The following CYP2A6 variants were observed in gnomAD, a reference collection of about 807,000 sequenced individuals.
The protein encoded by CYP2A6 is cytochrome P450 family 2 subfamily A member 6.
Under a neutral mutation model 42.3 loss-of-function variants are expected in CYP2A6, and 27 were observed. That is an observed-to-expected ratio of 0.64 (90% CI 0.47 to 0.88). The LOEUF is 0.88. CYP2A6 is among the 40% of genes least tolerant of loss of function. The probability of loss-of-function intolerance (pLI) is 0.00; values close to 1 mark genes in which losing one functional copy is unlikely to be tolerated. For synonymous variants in CYP2A6, 238 were observed against 246.3 expected (o/e 0.97, Z 0.31); for missense variants, 628 against 646.0 (o/e 0.97, Z 0.30).
chr19:40,849,937 G>A lies in CYP2A6; in HGVS notation c.224C>T (p.Pro75Leu), dbSNP rs1326698183. The A allele has an allele frequency of 5.0e-6, 8 of 1,611,350 alleles. No individual in the cohort carries two copies. In the South Asian group the frequency reaches 8.8e-5, roughly 18 times the overall value. Residue 75 changes from proline (P) to leucine (L), a missense_variant, in exon 2 of 9, where the codon CCC (proline) becomes CTC (leucine). This residue lies in a region of CYP2A6 where 606 missense variants were observed against 568.1 expected (regional missense o/e 1.07). Transcript: ENST00000301141. ...YGPVFTIHLG[P>L]RRVVVLCGHD... Reference sequence around the variant, plus strand: ...TCCACACAGCACCACGACCCGCCGGGGCCCCAAGTGAATGGTGAACACGGG... The same window carrying A: ...TCCACACAGCACCACGACCCGCCGGAGCCCCAAGTGAATGGTGAACACGGG...
rs1337549572 is a variant in CYP2A6 at position 40,848,964 on chromosome 19, G to GAGA, written c.344-204_344-202dup. Among the ~76,000 whole-genome samples the GAGA allele has an allele frequency of 1.5e-4, 20 of 133,960 alleles. No individual in the cohort carries two copies. The East Asian group carries it at 4.3e-3, about 29-fold the overall frequency. 87.9% of individuals were successfully genotyped at this position (133,960 alleles called of 152,430 possible). A position where few individuals can be genotyped will look rare whatever the true frequency, so the allele number is the denominator to read the frequency against. On this transcript the variant is annotated intron_variant, in intron 2 of 8. Transcript: ENST00000301141. ...GTAGAGAGAGAGAGAGAGAGAGAGAGAGAGAGAGAGAGAAGAGAGAGAGGA... is the reference window on the plus strand; with the variant it reads ...GTAGAGAGAGAGAGAGAGAGAGAGAGAGAAGAGAGAGAGAGAAGAGAGAGAGGA...
chr19:40,847,656 C>A (rs1032844914), intron 4 of CYP2A6, among the ~76,000 whole-genome samples: 1 of 151,606 alleles, frequency 6.6e-6, no homozygotes, highest in African/African-American at 2.4e-5. Flanking sequence ...TGTCAGGGAA[C>A]AATCTGTCTA....
chr19:40,848,199 GC>G lies in CYP2A6; in HGVS notation c.654+19del. The G allele has an allele frequency of 6.2e-7, 1 of 1,610,470 alleles. No homozygotes were observed. The highest frequency in any genetic ancestry group is 8.5e-7 in the Non-Finnish European group (1 of 1,179,072). ...GCAGGTTGTGGTAGGGGCGTCACGG[GC>G]CGGGCTGCAGCCAGTTACCTGCCCC... is the stretch of plus-strand genomic sequence containing the variant. On this transcript the variant is annotated intron_variant, in intron 4 of 8. Coordinates refer to ENST00000301141, the MANE Select transcript of CYP2A6 (RefSeq NM_000762.6).
chr19:40,849,028 GAGAGAGA>G lies in CYP2A6; in HGVS notation c.344-272_344-266del, dbSNP rs1383962840. ...AGAGAGAGAAGAGAGAGAGGAGAGA[GAGAGAGA>G]AGAGAGAGAGGAGAGAGAGAGAGAG... On this transcript the variant is annotated intron_variant, in intron 2 of 8. Coordinates refer to ENST00000301141, the MANE Select transcript of CYP2A6 (RefSeq NM_000762.6). Among the ~76,000 whole-genome samples, 139 of 41,408 alleles carry G rather than the reference GAGAGAGA, an allele frequency of 3.4e-3. 30 individuals carry two copies. Among genetic ancestry groups the G allele is most frequent in the African/African-American group, 6.6e-3 (90 of 13,622 alleles). 27.2% of individuals were successfully genotyped at this position (41,408 alleles called of 152,430 possible).
rs2083451866 is a variant in CYP2A6 at position 40,845,492 on chromosome 19, A to T, written c.974-11T>A. The T allele has an allele frequency of 6.2e-7, 1 of 1,610,622 alleles. No individual in the cohort carries two copies. Among genetic ancestry groups the T allele is most frequent in the Non-Finnish European group, 8.5e-7 (1 of 1,179,408 alleles). The stretch of plus-strand genomic sequence containing the variant: ...CCTCATGGACCTTGGCTGGGGGAGG[A>T]GGGGGAATGTGTTTAGGTATCTAGG... On this transcript the variant is annotated splice_polypyrimidine_tract_variant and intron_variant, in intron 6 of 8. Transcript: ENST00000301141.
chr19:40,849,594 T>G (rs1440256185), intron 2 of CYP2A6, among the ~76,000 whole-genome samples: 2 of 149,700 alleles, frequency 1.3e-5, no homozygotes, highest in Non-Finnish European at 3.0e-5. Flanking sequence ...TGAGAGAGAA[T>G]AAGGAGGTGG....
rs4079369 is a variant in CYP2A6 at position 40,846,857 on chromosome 19, G to C, written c.831+18C>G. On this transcript the variant is annotated intron_variant, in intron 5 of 8. Transcript: ENST00000301141. ...CTGCCTGGCTTTGCATCTCCCCGCA[G>C]TGGCTGCTGGGGTGTACCTCCTGCA... is the stretch of plus-strand genomic sequence containing the variant. The C allele has an allele frequency of 0.076, 121,196 of 1,600,938 alleles. 6,095 individuals are homozygous for C. The highest frequency in any genetic ancestry group is 0.08 in the African/African-American group (5,921 of 74,184).
Position 40,845,124 on chromosome 19 carries a change from C to CA in CYP2A6, c.1161+169dup, listed in dbSNP as rs776667872. On this transcript the variant is annotated intron_variant, in intron 7 of 8. Coordinates refer to ENST00000301141, the MANE Select transcript of CYP2A6 (RefSeq NM_000762.6). ...AAAGAGTCTGGAGAGATGCAGGACT[C>CA]AGGAGTGTCTAAGTGGAAAGGTGGA... The CA allele has an allele frequency of 1.7e-5, 13 of 780,610 alleles. No homozygotes were observed. The African/African-American group carries it at 1.9e-4, about 12-fold the overall frequency. 48.4% of individuals were successfully genotyped at this position (780,610 alleles called of 1,614,324 possible). A position where few individuals can be genotyped will look rare whatever the true frequency, so the allele number is the denominator to read the frequency against.
chr19:40,850,179 C>G, intron 1 of CYP2A6, 68 bp downstream of exon 1: 2 of 1,571,030 alleles, frequency 1.3e-6, no homozygotes, highest in East Asian at 2.3e-5. Flanking sequence ...GGTCAACCCC[C>G]TGCCACAAAG....
chr19:40,849,045 G>GGA (rs1164660108), intron 2 of CYP2A6, among the ~76,000 whole-genome samples: 757 of 24,202 alleles, frequency 0.031, 107 homozygotes, highest in South Asian at 0.057. Context: ...AAGAGAGAGA[G>GGA]GAGAGAGAGA....
At chr19:40,845,582 T>C (rs948689310) in intron 6 of CYP2A6, 101 bp from the exon 7 acceptor site, 10 of 1,536,112 alleles carry the variant, frequency 6.5e-6, no homozygotes, top group South Asian at 1.2e-5. Context: ...GCTCCGCCTA[T>C]GAGACGGAAG....
chr19:40,845,191 G>T lies in CYP2A6; in HGVS notation c.1161+103C>A, dbSNP rs527632948. ...GGGAAGTCTTTTTTGACTGATTGAGGGAGTGGGACAGGGTCTAGAAAGCTT... is the reference window on the plus strand; with the variant it reads ...GGGAAGTCTTTTTTGACTGATTGAGTGAGTGGGACAGGGTCTAGAAAGCTT... On this transcript the variant is annotated intron_variant, in intron 7 of 8. Coordinates refer to ENST00000301141, the MANE Select transcript of CYP2A6 (RefSeq NM_000762.6). The T allele has an allele frequency of 4.1e-6, 6 of 1,451,556 alleles. No individual in the cohort carries two copies. In the South Asian group the frequency reaches 4.6e-5, roughly 11 times the overall value. 89.9% of individuals were successfully genotyped at this position (1,451,556 alleles called of 1,614,324 possible).
rs1464292086 is a variant in CYP2A6, at chr19:40,848,319, A to G, written c.554T>C (p.Ile185Thr). Residue 185 changes from isoleucine (I) to threonine (T), a missense_variant, in exon 4 of 9, where the codon ATT becomes ACT. Physicochemically the swap from Ile to Thr is moderately conservative, Grantham distance 89 (BLOSUM62 -1). This residue lies in a region of CYP2A6 where 606 missense variants were observed against 568.1 expected (regional missense o/e 1.07). Transcript: ENST00000301141. ...ATAGTCAAAGCGGTCCCCAAAGACA[A>G]TGGAGCTGATGACATTGGAGACTGT... ...SRTVSNVISS[I>T]VFGDRFDYKD... The G allele has an allele frequency of 1.9e-6, 3 of 1,611,968 alleles. No homozygotes were observed. The highest frequency in any genetic ancestry group is 2.3e-5 in the East Asian group (1 of 43,406).
chr19:40,849,011 AAGAGAGAGAG>A (rs1392325464), intron 2 of CYP2A6, among the ~76,000 whole-genome samples: 7 of 50,722 alleles, frequency 1.4e-4, no homozygotes, highest in African/African-American at 2.8e-4. Context: ...AGAGAGAGAG[AAGAGAGAGAG>A]GAGAGAGAGA....
chr19:40,847,493 T>G (rs1345176054), intron 4 of CYP2A6, among the ~76,000 whole-genome samples: 1 of 151,442 alleles, frequency 6.6e-6, no homozygotes, highest in Non-Finnish European at 1.5e-5. Context: ...GATTGGGGGC[T>G]TTTGTTCAGG....
intron 7 of CYP2A6, 122 bp from the exon 8 acceptor site, chr19:40,844,894 G>GGGGTCCTCTGATGGAGGAGCTT (rs2083447984): frequency 7.6e-7 from 1 of 1,314,284 alleles, no homozygotes; most frequent in Admixed American, 2.5e-5. Context: ...TGGAGGAGTT[G>GGGGTCCTCTGATGGAGGAGCTT]GGGTCCTCTG....
In CYP2A6 at chr19:40,848,377, C is replaced by T. The variant is rs779781322; in HGVS notation, c.496G>A (p.Ala166Thr). 6.2e-7 allele frequency: 1 copy of T among 1,611,742 alleles called. No homozygotes were observed. Among genetic ancestry groups the T allele is most frequent in the Non-Finnish European group, 8.5e-7 (1 of 1,179,910 alleles). ...LIDALRGTGG[A>T]NIDPTFFLSR... ...AGGAAGAAGGTGGGATCGATATTGG[C>T]GCCTGCGGGTATGGCGGGAGAAGGG... Residue 166 changes from alanine to threonine, a missense_variant and splice_region_variant, in exon 4 of 9, where the codon GCC becomes ACC. This residue lies in a region of CYP2A6 where 606 missense variants were observed against 568.1 expected (regional missense o/e 1.07). Transcript: ENST00000301141.
chr19:40,850,149 C>G (rs8192723), intron 1 of CYP2A6, 98 bp downstream of exon 1: 1 of 1,540,564 alleles, frequency 6.5e-7, no homozygotes, highest in Non-Finnish European at 8.8e-7. Flanking sequence ...ACTCCATTTC[C>G]TAAGACTCTG....
Position 40,845,285 on chromosome 19 carries a change from G to C in CYP2A6, c.1161+9C>G. 6.2e-7 allele frequency: 1 copy of C among 1,611,442 alleles called. No homozygotes were observed. Among genetic ancestry groups the C allele is most frequent in the Non-Finnish European group, 8.5e-7 (1 of 1,179,808 alleles). ...TCCCCGTAGTCTGGGGGGTGGGGGC[G>C]GATAGCACCTTAGGGAGGAAGAAAT... On this transcript the variant is annotated intron_variant, in intron 7 of 8. Coordinates refer to ENST00000301141, the MANE Select transcript of CYP2A6 (RefSeq NM_000762.6).
Sources: gnomAD v4.1 joint callset for allele counts (sites outside exome capture counted in the v4.1 genomes callset) on GRCh38, gnomAD v4.1.1 for gene constraint, gnomAD v4.1.1 regional missense constraint, MANE v1.5 for transcripts, NCBI Gene and HGNC (gene_info 2026-07-23, HGNC 2026-07-21) for gene names.